Variants in MYDGF observed in about 807,000 individuals in gnomAD.
MYDGF encodes the protein myeloid-derived growth factor.
A neutral mutation model predicts 24.2 loss-of-function variants in MYDGF; 29 were observed. The observed-to-expected ratio is 1.20, with a 90% CI of 0.89 to 1.63. The LOEUF is 1.63. Among genes scored for constraint, MYDGF ranks in the 40% most tolerant of loss-of-function variants. MYDGF has a pLI of 0.00. For missense variants in MYDGF, 245 were observed against 234.8 expected (o/e 1.04, Z -0.29); for synonymous variants, 105 against 102.5 (o/e 1.02, Z -0.15).
intron 3 of MYDGF, among the ~76,000 whole-genome samples, chr19:4,662,447 C>T (rs1417576287): frequency 1.3e-5 from 2 of 152,204 alleles, no homozygotes; most frequent in South Asian, 2.1e-4. Flanking sequence ...TGACGGCTTC[C>T]TTCCCTTCAT....
intron 1 of MYDGF, among the ~76,000 whole-genome samples, chr19:4,669,857 G>C (rs1461147796): frequency 6.6e-6 from 1 of 152,156 alleles, no homozygotes; most frequent in East Asian, 1.9e-4. Context: ...CCCCACCTCT[G>C]CGTCTGGAGG....
intron 3 of MYDGF, 150 bp from the exon 4 acceptor site, chr19:4,660,900 C>T: frequency 1.8e-6 from 1 of 547,130 alleles, no homozygotes; most frequent in Non-Finnish European, 3.2e-6. Context: ...AGCACGAGCA[C>T]CTGCTGACTG....
intron 3 of MYDGF, 50 bp from the exon 4 acceptor site, chr19:4,660,800 GGTCTGT>G: frequency 6.5e-7 from 1 of 1,542,620 alleles, no homozygotes; most frequent in Non-Finnish European, 8.9e-7. Flanking sequence ...GCTGGGTCTG[GGTCTGT>G]GTGCCCTGGA....
At position 4,657,774 on chromosome 19, in the gene MYDGF, AG is replaced by A; in HGVS notation, c.*230del. On this transcript the variant is annotated 3_prime_UTR_variant, in exon 6 of 6. Transcript: ENST00000262947. ...GATCCTGAGTCCAGAAGAGCTCAGC[AG>A]GAAGTGGGAACTGAGAAGCTGTTGG... 1 of 414,470 alleles carries A rather than the reference AG, an allele frequency of 2.4e-6. No homozygotes were observed. The highest frequency in any genetic ancestry group is 4.4e-6 in the Non-Finnish European group (1 of 226,300). 25.7% of individuals were successfully genotyped at this position (414,470 alleles called of 1,614,324 possible).
intron 1 of MYDGF, among the ~76,000 whole-genome samples, chr19:4,669,248 C>T (rs1280133896): frequency 2.0e-5 from 3 of 152,142 alleles, no homozygotes; most frequent in African/African-American, 7.2e-5. Flanking sequence ...CCGAGGTGGG[C>T]GGGTCACCTG....
At chr19:4,669,173 A>C (rs947102842) in intron 1 of MYDGF, among the ~76,000 whole-genome samples, 2 of 152,218 alleles carry the variant, frequency 1.3e-5, no homozygotes, top group African/African-American at 4.8e-5. Flanking sequence ...CCTAACTATA[A>C]GGAAGTAGTC....
In MYDGF at chr19:4,658,001, C is replaced by T; in HGVS notation, c.*4G>A. ...GAAGGTGCCACCCGCAACAGGGCTG[C>T]TGGTCACAGCTCAGTGCGCGATGCC... On this transcript the variant is annotated 3_prime_UTR_variant, in exon 6 of 6. Transcript: ENST00000262947. The T allele has an allele frequency of 6.2e-7, 1 of 1,607,454 alleles. No homozygotes were observed. Among genetic ancestry groups the T allele is most frequent in the Non-Finnish European group, 8.5e-7 (1 of 1,177,812 alleles).
At chr19:4,664,789 C>T in intron 3 of MYDGF, 87 bp downstream of exon 3, 3 of 1,452,090 alleles carry the variant, frequency 2.1e-6, no homozygotes, top group Admixed American at 1.9e-5. Context: ...GGGGTGCAGC[C>T]CTCGTTCCCT....
intron 3 of MYDGF, among the ~76,000 whole-genome samples, chr19:4,664,083 CAG>C (rs1179351428): frequency 6.6e-6 from 1 of 151,980 alleles, no homozygotes; most frequent in Non-Finnish European, 1.5e-5. Context: ...AAAGGCCACA[CAG>C]GGAAGGTTTG....
In MYDGF at chr19:4,657,814, C is replaced by T; in HGVS notation, c.*191G>A. The T allele has an allele frequency of 1.9e-6, 1 of 524,434 alleles. No individual in the cohort carries two copies. The highest frequency in any genetic ancestry group is 2.6e-5 in the South Asian group (1 of 38,278). The allele number at this position is 524,434 out of a possible 1,614,324, so 32.5% of individuals were successfully genotyped here. A position where few individuals can be genotyped will look rare whatever the true frequency, so the allele number is the denominator to read the frequency against. ...AGAAGCTGTTGGGAGCCAGGAGGGC[C>T]CTGGACCCTCTGTTCTCTGCCCCAG... is the stretch of plus-strand genomic sequence containing the variant. On this transcript the variant is annotated 3_prime_UTR_variant, in exon 6 of 6. Coordinates refer to ENST00000262947, the MANE Select transcript of MYDGF (RefSeq NM_019107.4).
At chr19:4,664,555 T>TG (rs1031622437) in intron 3 of MYDGF, among the ~76,000 whole-genome samples, 2 of 149,224 alleles carry the variant, frequency 1.3e-5, no homozygotes, top group African/African-American at 5.0e-5. Flanking sequence ...TAGGGGAGGG[T>TG]GGAGCCCCTT....
intron 5 of MYDGF, among the ~76,000 whole-genome samples, chr19:4,659,354 G>A (rs1164515064): frequency 6.6e-6 from 1 of 152,062 alleles, no homozygotes; most frequent in Admixed American, 6.6e-5. Context: ...CTCCTGAATA[G>A]CTGGGATTAC....
rs968235918 is a variant in MYDGF at position 4,657,874 on chromosome 19, G to C, written c.*131C>G. 5 of 841,040 alleles carry C rather than the reference G, an allele frequency of 5.9e-6. No homozygotes were observed. The South Asian group carries it at 7.2e-5, about 12-fold the overall frequency. The allele number at this position is 841,040 out of a possible 1,614,324, so 52.1% of individuals were successfully genotyped here. A position where few individuals can be genotyped will look rare whatever the true frequency, so the allele number is the denominator to read the frequency against. ...CACCCTGCAAGCCCCTCCGGACAAG[G>C]CAACGTCAGCCCAGGTAGAAAACTT... On this transcript the variant is annotated 3_prime_UTR_variant, in exon 6 of 6. Transcript: ENST00000262947.
intron 3 of MYDGF, among the ~76,000 whole-genome samples, chr19:4,664,647 C>T (rs2088506361): frequency 6.6e-6 from 1 of 152,076 alleles, no homozygotes; most frequent in Non-Finnish European, 1.5e-5. Flanking sequence ...CGCACAGGCT[C>T]CCCCCGTCTC....
At chr19:4,665,115 C>T (rs1168528872) in intron 2 of MYDGF, among the ~76,000 whole-genome samples, 178 bp from the exon 3 acceptor site, 1 of 152,230 alleles carries the variant, frequency 6.6e-6, no homozygotes, top group African/African-American at 2.4e-5. Context: ...CATCTGTGAT[C>T]AGGGAGCCTG....
intron 3 of MYDGF, 79 bp downstream of exon 3, chr19:4,664,797 C>A: frequency 6.6e-7 from 1 of 1,509,314 alleles, no homozygotes; most frequent in Admixed American, 1.8e-5. Flanking sequence ...GCCCTCGTTC[C>A]CTGCCTTCCA....
intron 3 of MYDGF, 66 bp downstream of exon 3, chr19:4,664,810 G>A (rs2088507888): frequency 6.4e-7 from 1 of 1,561,606 alleles, no homozygotes; most frequent in Admixed American, 1.7e-5. Context: ...GCCTTCCAAA[G>A]CAGCTCCTGA....
At chr19:4,668,574 A>G in intron 2 of MYDGF, 21 bp downstream of exon 2, 1 of 1,599,576 alleles carries the variant, frequency 6.3e-7, no homozygotes, top group Non-Finnish European at 8.6e-7. Context: ...AGTAAGCTAG[A>G]GGGAATTTTG....
rs1227270313 is a variant in MYDGF, at chr19:4,660,810, C to T, written c.288-60G>A. The stretch of plus-strand genomic sequence containing the variant: ...GGCCTGCTGGGTCTGGGTCTGTGTG[C>T]CCTGGAAGGAGCCCCGCCAGGGACT... On this transcript the variant is annotated intron_variant, in intron 3 of 5. Coordinates refer to ENST00000262947, the MANE Select transcript of MYDGF (RefSeq NM_019107.4). 6 of 1,471,024 alleles carry T rather than the reference C, an allele frequency of 4.1e-6. No homozygotes were observed. In the South Asian group the frequency reaches 5.9e-5, roughly 14 times the overall value. The allele number at this position is 1,471,024 out of a possible 1,614,324, so 91.1% of individuals were successfully genotyped here. A position where few individuals can be genotyped will look rare whatever the true frequency, so the allele number is the denominator to read the frequency against.
Sources: gnomAD v4.1 joint callset for allele counts (sites outside exome capture counted in the v4.1 genomes callset) on GRCh38, gnomAD v4.1.1 for gene constraint, MANE v1.5 for transcripts, NCBI Gene and HGNC (gene_info 2026-07-23, HGNC 2026-07-21) for gene names.